Variants in CTNNA3 observed in about 807,000 individuals in gnomAD.
CTNNA3 encodes the protein catenin alpha-3.
A neutral mutation model predicts 95.7 loss-of-function variants in CTNNA3; 76 were observed. The ratio of observed to expected loss-of-function variants is 0.79; its 90% confidence interval spans 0.66 to 0.96. The LOEUF (loss-of-function observed/expected upper bound fraction) is 0.96. Ranked by LOEUF, CTNNA3 falls within the 40% of genes least tolerant of loss-of-function variation. The probability of loss-of-function intolerance (pLI) is 0.00; values close to 1 mark genes in which losing one functional copy is unlikely to be tolerated. For missense variants in CTNNA3, 1,191 were observed against 1,089.8 expected (o/e 1.09, Z -1.31); for synonymous variants, 431 against 374.4 (o/e 1.15, Z -1.74).
intron 7 of CTNNA3, among the ~76,000 whole-genome samples, chr10:66,939,223 G>A (rs1847876186): frequency 6.6e-6 from 1 of 152,132 alleles, no homozygotes; most frequent in African/African-American, 2.4e-5. Flanking sequence ...AGATCATACA[G>A]AACTGAAGCA....
At chr10:67,498,682 T>A (rs1318286762) in intron 5 of CTNNA3, among the ~76,000 whole-genome samples, 1 of 152,208 alleles carries the variant, frequency 6.6e-6, no homozygotes, top group Admixed American at 6.5e-5. Context: ...AGGTATTTTA[T>A]TCACTTTGTA....
At chr10:67,750,402 A>G in intron 1 of CTNNA3, 1 of 1,487,776 alleles carries the variant, frequency 6.7e-7, no homozygotes, top group Non-Finnish European at 9.4e-7. Flanking sequence ...GATGCAGGAT[A>G]TCGCCACATT....
At chr10:67,188,163 C>T (rs773763700) in intron 6 of CTNNA3, among the ~76,000 whole-genome samples, 22 of 152,186 alleles carry the variant, frequency 1.4e-4, no homozygotes, top group African/African-American at 5.1e-4. Context: ...ATTGACCAGA[C>T]GTAAGTCTGG....
chr10:67,375,095 T>C (rs1461141752), intron 5 of CTNNA3, among the ~76,000 whole-genome samples: 2 of 152,190 alleles, frequency 1.3e-5, no homozygotes, highest in Admixed American at 1.3e-4. Flanking sequence ...ATTATTTTAG[T>C]GTATGCTTGG....
At chr10:66,523,902 C>A (rs921691974) in intron 10 of CTNNA3, among the ~76,000 whole-genome samples, 5 of 152,128 alleles carry the variant, frequency 3.3e-5, no homozygotes, top group Admixed American at 2.0e-4. Context: ...AAAACAAACA[C>A]CATATTTCTT....
At chr10:66,951,113 ACACACT>A (rs953220719) in intron 7 of CTNNA3, among the ~76,000 whole-genome samples, 16 of 131,494 alleles carry the variant, frequency 1.2e-4, no homozygotes, top group South Asian at 7.4e-4. Context: ...ACACACACAC[ACACACT>A]GTCTTTTTTT....
At chr10:66,131,452 A>T (rs1158949598) in intron 13 of CTNNA3, among the ~76,000 whole-genome samples, 1 of 152,208 alleles carries the variant, frequency 6.6e-6, no homozygotes, top group Non-Finnish European at 1.5e-5. Context: ...AAAACATTCC[A>T]TGCTCAATGA....
chr10:65,976,049 A>G (rs2078202849), intron 16 of CTNNA3, among the ~76,000 whole-genome samples: 1 of 152,144 alleles, frequency 6.6e-6, no homozygotes, highest in African/African-American at 2.4e-5. Flanking sequence ...CATTTAGTGA[A>G]GGAGAATATT....
At chr10:67,570,093 G>A (rs1049177291) in intron 3 of CTNNA3, among the ~76,000 whole-genome samples, 1 of 151,810 alleles carries the variant, frequency 6.6e-6, no homozygotes, top group Admixed American at 6.6e-5. Context: ...TCTGCTTGGT[G>A]TATTTGTTGT....
chr10:67,207,993 C>T (rs968879197), intron 6 of CTNNA3, among the ~76,000 whole-genome samples: 4 of 151,874 alleles, frequency 2.6e-5, no homozygotes, highest in African/African-American at 9.7e-5. Flanking sequence ...AATTAGAGTC[C>T]CCAAACTCAA....
intron 5 of CTNNA3, chr10:67,335,023 TACACACAC>T (rs570507843): frequency 6.6e-6 from 1 of 151,192 alleles, no homozygotes; most frequent in Non-Finnish European, 1.5e-5. Flanking sequence ...CTCAATAGTA[TACACACAC>T]ACACACACAT....
rs1264938177 is a variant in CTNNA3 at position 67,673,327 on chromosome 10, C to G, written c.-6+22673G>C. On this transcript the variant is annotated intron_variant, in intron 1 of 17. Transcript: ENST00000433211. ...GCAAACAGGGACAATTTGACTTCCT[C>G]TTTTCCTAATTGAATACCCTTTATT... Among the ~76,000 whole-genome samples the G allele has an allele frequency of 3.4e-5, 5 of 146,620 alleles. No homozygotes were observed. In the East Asian group the frequency reaches 8.0e-4, roughly 23 times the overall value.
intron 1 of CTNNA3, among the ~76,000 whole-genome samples, chr10:67,725,472 C>T (rs1356897252): frequency 1.3e-5 from 2 of 152,074 alleles, no homozygotes; most frequent in African/African-American, 2.4e-5. Flanking sequence ...CCACTGCGCC[C>T]GGCCTTATTG....
intron 7 of CTNNA3, among the ~76,000 whole-genome samples, chr10:67,031,419 T>C (rs1400457169): frequency 6.6e-6 from 1 of 152,198 alleles, no homozygotes. Flanking sequence ...TATCCCTTTC[T>C]ACTATACATT....
intron 1 of CTNNA3, among the ~76,000 whole-genome samples, chr10:67,741,298 T>C (rs1451065458): frequency 7.3e-6 from 1 of 137,030 alleles, no homozygotes; most frequent in African/African-American, 2.7e-5. Flanking sequence ...ACCCTAAAAC[T>C]TAAAGTATAA....
chr10:66,301,538 G>A (rs1178094689), intron 12 of CTNNA3, among the ~76,000 whole-genome samples: 1 of 151,704 alleles, frequency 6.6e-6, no homozygotes, highest in Non-Finnish European at 1.5e-5. Context: ...GAATCAAGTA[G>A]ATTTATCCCA....
intron 15 of CTNNA3, among the ~76,000 whole-genome samples, chr10:66,036,050 A>T (rs2079556541): frequency 6.6e-6 from 1 of 152,220 alleles, no homozygotes; most frequent in East Asian, 1.9e-4. Flanking sequence ...ACTAACTTCA[A>T]ATGGTAGAAG....
chr10:65,951,832 A>G, intron 17 of CTNNA3, among the ~76,000 whole-genome samples: 1 of 152,150 alleles, frequency 6.6e-6, no homozygotes, highest in Non-Finnish European at 1.5e-5. Context: ...GATCGAGACC[A>G]TCCTGGCTAA....
At chr10:67,039,856 C>A (rs1925632) in intron 7 of CTNNA3, among the ~76,000 whole-genome samples, 53,667 of 151,952 alleles carry the variant, frequency 0.35, 11,211 homozygotes, top group East Asian at 0.51. Context: ...CTTCCAAGAC[C>A]GTTACAGATT....
Sources: gnomAD v4.1 joint callset for allele counts (sites outside exome capture counted in the v4.1 genomes callset) on GRCh38, gnomAD v4.1.1 for gene constraint, MANE v1.5 for transcripts, NCBI Gene and HGNC (gene_info 2026-07-23, HGNC 2026-07-21) for gene names.